PCDHA1: variants seen among roughly 807,000 people sequenced by gnomAD.
PCDHA1 encodes the protein protocadherin alpha 1.
A neutral mutation model predicts 61.3 loss-of-function variants in PCDHA1; 42 were observed. The ratio of observed to expected loss-of-function variants is 0.69; its 90% CI spans 0.54 to 0.89. The LOEUF (loss-of-function observed/expected upper bound fraction) is 0.89. PCDHA1 is among the 40% of genes least tolerant of loss of function. PCDHA1 has a pLI of 0.00. For missense variants in PCDHA1, 1,256 were observed against 1,235.3 expected, an observed-to-expected ratio of 1.02 and a Z score of -0.25; for synonymous variants, 610 against 553.8, an observed-to-expected ratio of 1.10 and a Z score of -1.43.
chr5:140,897,999 G>A (rs1411789620), intron 1 of PCDHA1, among the ~76,000 whole-genome samples: 3 of 152,142 alleles, frequency 2.0e-5, no homozygotes, highest in East Asian at 1.9e-4. Context: ...TTTGAGAAGT[G>A]TCTGTTCATA....
At chr5:140,831,638 T>C (rs2150196472) in intron 1 of PCDHA1, among the ~76,000 whole-genome samples, 19 of 151,546 alleles carry the variant, frequency 1.3e-4, no homozygotes, top group African/African-American at 4.6e-4. Flanking sequence ...ACTAAGATTA[T>C]AGGTGTGAGC....
intron 1 of PCDHA1, among the ~76,000 whole-genome samples, chr5:140,975,592 C>A (rs2096673847): frequency 6.6e-6 from 1 of 152,170 alleles, no homozygotes; most frequent in Non-Finnish European, 1.5e-5. Context: ...TCCCAGAGGG[C>A]AATTTGTTGA....
At position 140,955,726 on chromosome 5, in the gene PCDHA1, C is replaced by A. The variant is rs934215613; in HGVS notation, c.2395-23223C>A. Among the ~76,000 whole-genome samples the A allele has an allele frequency of 8.5e-5, 13 of 152,264 alleles. No individual in the cohort carries two copies. In the South Asian group the frequency reaches 2.5e-3, roughly 29 times the overall value. Reference sequence around the variant, plus strand: ...AAGTTTAATAGGAATACCATTGAATCTATAAATTACTTTGAGCATTATTGC... The same window carrying A: ...AAGTTTAATAGGAATACCATTGAATATATAAATTACTTTGAGCATTATTGC... On this transcript the variant is annotated intron_variant, in intron 1 of 3. Coordinates refer to ENST00000504120, the MANE Select transcript of PCDHA1 (RefSeq NM_018900.4).
intron 1 of PCDHA1, chr5:140,816,912 T>C (rs1425920836): frequency 2.0e-5 from 3 of 152,200 alleles, no homozygotes; most frequent in Admixed American, 2.0e-4. Flanking sequence ...CCCTCAGTTA[T>C]AGATTCTGCT....
intron 1 of PCDHA1, chr5:140,869,389 T>G (rs949262123): frequency 1.9e-6 from 3 of 1,614,180 alleles, no homozygotes; most frequent in Admixed American, 3.3e-5. Flanking sequence ...CGAGGAGCTG[T>G]GCGGGCAGAG....
At chr5:140,841,877 A>G (rs2150324611) in intron 1 of PCDHA1, 1 of 1,613,820 alleles carries the variant, frequency 6.2e-7, no homozygotes. Flanking sequence ...GAATTCAAAG[A>G]ACGATGAGAA....
intron 1 of PCDHA1, among the ~76,000 whole-genome samples, chr5:140,837,757 A>G (rs1220991667): frequency 6.6e-6 from 1 of 151,692 alleles, no homozygotes; most frequent in Non-Finnish European, 1.5e-5. Flanking sequence ...GCCCACTGCA[A>G]CCTGAAAGTC....
Position 140,839,560 on chromosome 5 carries a change from T to C in PCDHA1, c.2394+50876T>C, listed in dbSNP as rs1438393943. On this transcript the variant is annotated intron_variant, in intron 1 of 3. Transcript: ENST00000504120. ...ACACACCACCATGCCCAACTAATTT[T>C]TGTATTTTTTGTAGAGATGGGGTCT... Among the ~76,000 whole-genome samples the C allele has an allele frequency of 2.0e-5, 3 of 151,986 alleles. No individual in the cohort carries two copies. In the East Asian group the frequency reaches 5.8e-4, roughly 29 times the overall value.
intron 1 of PCDHA1, chr5:140,875,516 T>C: frequency 6.2e-7 from 1 of 1,613,976 alleles, no homozygotes; most frequent in Non-Finnish European, 8.5e-7. Context: ...CAGCGTCTGC[T>C]GCTCTCGCTT....
intron 3 of PCDHA1, among the ~76,000 whole-genome samples, chr5:140,987,826 G>T (rs1481540038): frequency 6.6e-6 from 1 of 152,014 alleles, no homozygotes; most frequent in Non-Finnish European, 1.5e-5. Flanking sequence ...TTTCCTTAGG[G>T]GATTGCTTTT....
At chr5:140,971,958 C>CT (rs1176007834) in intron 1 of PCDHA1, among the ~76,000 whole-genome samples, 3 of 152,054 alleles carry the variant, frequency 2.0e-5, no homozygotes, top group African/African-American at 4.8e-5. Context: ...ACTCCAAAAA[C>CT]TTTTTTTCAA....
chr5:140,926,852 T>C, intron 1 of PCDHA1: 2 of 1,517,714 alleles, frequency 1.3e-6, no homozygotes, highest in Non-Finnish European at 1.8e-6. Flanking sequence ...GGGTCACCGT[T>C]GGTGTAGCGT....
intron 1 of PCDHA1, chr5:140,848,334 A>T: frequency 2.4e-6 from 2 of 850,772 alleles, no homozygotes; most frequent in Non-Finnish European, 3.7e-6. Context: ...CTCTGAATCC[A>T]GACAAATACA....
chr5:140,803,768 C>G, intron 1 of PCDHA1: 3 of 1,075,578 alleles, frequency 2.8e-6, no homozygotes, highest in Non-Finnish European at 3.9e-6. Context: ...ATTTTTGAAC[C>G]AAATCAGCAG....
At chr5:140,895,099 T>C (rs558310890) in intron 1 of PCDHA1, among the ~76,000 whole-genome samples, 1 of 152,326 alleles carries the variant, frequency 6.6e-6, no homozygotes, top group East Asian at 1.9e-4. Flanking sequence ...ATAGGGGTTT[T>C]TGCTACAAGA....
chr5:141,003,322 G>A (rs1588017257), intron 3 of PCDHA1, among the ~76,000 whole-genome samples: 1 of 152,242 alleles, frequency 6.6e-6, no homozygotes, highest in East Asian at 1.9e-4. Flanking sequence ...ACTTCCAGAG[G>A]GCAGGGTTTT....
intron 1 of PCDHA1, chr5:140,869,209 T>C (rs782345986): frequency 1.2e-6 from 2 of 1,613,950 alleles, no homozygotes; most frequent in South Asian, 2.2e-5. Flanking sequence ...CTACTCCGTC[T>C]CGGAGGAGGC....
chr5:140,842,590 G>T (rs2150340027), intron 1 of PCDHA1: 1 of 1,530,304 alleles, frequency 6.5e-7, no homozygotes, highest in Admixed American at 1.8e-5. Context: ...CCTATGAGTT[G>T]GTGGTAACCG....
chr5:140,993,203 A>T (rs1563587510), intron 3 of PCDHA1, among the ~76,000 whole-genome samples: 2 of 152,090 alleles, frequency 1.3e-5, no homozygotes, highest in African/African-American at 4.8e-5. Context: ...ACTAAAGCTA[A>T]TTTTTTTAGC....
Sources: allele counts gnomAD v4.1 joint callset (sites outside exome capture counted in the v4.1 genomes callset), GRCh38; gene constraint gnomAD v4.1.1; transcripts MANE v1.5; gene names NCBI Gene and HGNC (gene_info 2026-07-23, HGNC 2026-07-21).